Variants in GLUD1 observed in about 807,000 individuals in gnomAD.
GLUD1 encodes glutamate dehydrogenase 1, also known as glutamate dehydrogenase 1, mitochondrial.
Under a neutral mutation model 56.0 loss-of-function variants are expected in GLUD1, and 22 were observed. The ratio of observed to expected loss-of-function variants is 0.39; its 90% confidence interval spans 0.28 to 0.56. The LOEUF is 0.56. Ranked by LOEUF, GLUD1 falls within the 20% of genes least tolerant of loss-of-function variation. The pLI is 0.58. For synonymous variants in GLUD1, 223 were observed against 269.9 expected, an observed-to-expected ratio of 0.83 and a Z score of 1.70; for missense variants, 451 against 732.0, an observed-to-expected ratio of 0.62 and a Z score of 4.43.
intron 11 of GLUD1, among the ~76,000 whole-genome samples, chr10:87,057,333 C>T (rs114683082): frequency 2.2e-4 from 33 of 152,204 alleles, no homozygotes; most frequent in African/African-American, 7.7e-4. Context: ...TCACTATGTT[C>T]CCCAGGTTGG....
intron 7 of GLUD1, 35 bp downstream of exon 7, chr10:87,060,880 T>C: frequency 6.2e-7 from 1 of 1,613,832 alleles, no homozygotes; most frequent in East Asian, 2.2e-5. Flanking sequence ...TAAATATTTA[T>C]ATTTAGTGTC....
At chr10:87,086,048 T>C (rs1841373072) in intron 1 of GLUD1, among the ~76,000 whole-genome samples, 1 of 152,180 alleles carries the variant, frequency 6.6e-6, no homozygotes, top group African/African-American at 2.4e-5. Context: ...ACCTCAGCTA[T>C]CCAGTTTCAT....
chr10:87,068,074 T>C lies in GLUD1; in HGVS notation c.730A>G (p.Ile244Val), dbSNP rs1480982051. Residue 244 changes from isoleucine to valine, a missense_variant, in exon 5 of 13, where the codon ATA (isoleucine) becomes GTA (valine). Ile to Val is a conservative substitution (Grantham distance 29). This residue lies in a region of GLUD1 where 248 missense variants were observed against 460.0 expected (regional missense o/e 0.54). Coordinates refer to ENST00000277865, the MANE Select transcript of GLUD1 (RefSeq NM_005271.5). ...SWIADTYASTIGHYDINAHAC... is the reference protein window; with the variant it reads ...SWIADTYASTVGHYDINAHAC... ...CAGTGGGTACTCACATAGTGCCCTA[T>C]GGTGCTGGCATAGGTATCAGCGATC... 4.4e-6 allele frequency: 7 copies of C among 1,604,130 alleles called. No individual in the cohort carries two copies. Among genetic ancestry groups the C allele is most frequent in the East Asian group, 2.2e-5 (1 of 44,836 alleles).
intron 4 of GLUD1, among the ~76,000 whole-genome samples, chr10:87,073,572 T>C (rs1314104458): frequency 6.6e-6 from 1 of 151,552 alleles, no homozygotes; most frequent in Non-Finnish European, 1.5e-5. Flanking sequence ...CTGATATTGA[T>C]AGGACAAGTA....
Position 87,063,893 on chromosome 10 carries a change from T to C in GLUD1, c.742-1058A>G, listed in dbSNP as rs528139584. ...TGTCCTCTTTCTTTGTCTTTTTTTT[T>C]TTTGAGACGGAGTCTCGCTCTGTCA... On this transcript the variant is annotated intron_variant, in intron 5 of 12. Transcript: ENST00000277865. Among the ~76,000 whole-genome samples the C allele has an allele frequency of 2.2e-4, 33 of 152,136 alleles. 1 individual carries two copies. In the South Asian group the frequency reaches 6.6e-3, roughly 31 times the overall value.
intron 6 of GLUD1, 170 bp from the exon 7 acceptor site, chr10:87,061,222 T>A (rs1845921350): frequency 2.6e-6 from 2 of 755,656 alleles, no homozygotes; most frequent in Non-Finnish European, 4.7e-6. Flanking sequence ...AATAAAATTC[T>A]CTGTTTAAGA....
chr10:87,093,448 G>A (rs1159845217), intron 1 of GLUD1, among the ~76,000 whole-genome samples: 1 of 152,190 alleles, frequency 6.6e-6, no homozygotes, highest in Non-Finnish European at 1.5e-5. Flanking sequence ...TCTGACTACA[G>A]AGGCCAAATC....
At chr10:87,070,007 G>A (rs530509828) in intron 4 of GLUD1, among the ~76,000 whole-genome samples, 2 of 152,310 alleles carry the variant, frequency 1.3e-5, no homozygotes, top group Admixed American at 1.3e-4. Context: ...CATTCCTTTA[G>A]TGACATACCT....
At chr10:87,069,692 T>C (rs1846176549) in intron 4 of GLUD1, among the ~76,000 whole-genome samples, 1 of 152,186 alleles carries the variant, frequency 6.6e-6, no homozygotes, top group Non-Finnish European at 1.5e-5. Flanking sequence ...ATAAACTTTT[T>C]TGAACAAGCT....
At chr10:87,069,387 T>C (rs1052978341) in intron 4 of GLUD1, among the ~76,000 whole-genome samples, 7 of 151,746 alleles carry the variant, frequency 4.6e-5, no homozygotes, top group Admixed American at 3.3e-4. Context: ...TGGTGGCACA[T>C]GTCTGTAATC....
chr10:87,091,934 T>C (rs1344197830), intron 1 of GLUD1, among the ~76,000 whole-genome samples: 1 of 151,804 alleles, frequency 6.6e-6, no homozygotes, highest in African/African-American at 2.4e-5. Flanking sequence ...CGTGTTAAAA[T>C]ATGTTTAAGA....
chr10:87,079,487 C>T (rs1457677629), intron 1 of GLUD1, among the ~76,000 whole-genome samples: 5 of 151,972 alleles, frequency 3.3e-5, no homozygotes, highest in African/African-American at 1.2e-4. Context: ...CTAAAATGTG[C>T]TTTTCAAATT....
At chr10:87,052,668 T>TTAAAAAA (rs1285140190) in intron 12 of GLUD1, among the ~76,000 whole-genome samples, 1 of 16,538 alleles carries the variant, frequency 6.0e-5, no homozygotes, top group African/African-American at 1.3e-4. Flanking sequence ...AAACTCCGTC[T>TTAAAAAA]CAAAAAAAAA....
chr10:87,074,687 A>G, intron 3 of GLUD1, 73 bp from the exon 4 acceptor site: 1 of 845,742 alleles, frequency 1.2e-6, no homozygotes, highest in East Asian at 2.4e-5. Flanking sequence ...CTAGCATCTT[A>G]TTTTCTATTT....
Position 87,068,045 on chromosome 10 carries a change from C to T in GLUD1, c.741+18G>A, listed in dbSNP as rs370784473. The stretch of plus-strand genomic sequence containing the variant: ...GACAGCAAATGCAGAAGCCTCGGGG[C>T]TTCCAGTGGGTACTCACATAGTGCC... On this transcript the variant is annotated intron_variant, in intron 5 of 12. Coordinates refer to ENST00000277865, the MANE Select transcript of GLUD1 (RefSeq NM_005271.5). 1.3e-5 allele frequency: 19 copies of T among 1,449,940 alleles called. No individual in the cohort carries two copies. In the African/African-American group the frequency reaches 2.4e-4, roughly 18 times the overall value. The allele number at this position is 1,449,940 out of a possible 1,614,324, so 89.8% of individuals were successfully genotyped here. A position where few individuals can be genotyped will look rare whatever the true frequency, so the allele number is the denominator to read the frequency against.
At chr10:87,086,145 A>G (rs1218581832) in intron 1 of GLUD1, among the ~76,000 whole-genome samples, 2 of 152,250 alleles carry the variant, frequency 1.3e-5, no homozygotes, top group Non-Finnish European at 2.9e-5. Context: ...TGAGGCATGG[A>G]CAGGCAGAGG....
chr10:87,080,388 C>A (rs1841189460), intron 1 of GLUD1, among the ~76,000 whole-genome samples: 1 of 152,008 alleles, frequency 6.6e-6, no homozygotes, highest in African/African-American at 2.4e-5. Flanking sequence ...AGTGTCTCTG[C>A]CTGGCCGCCC....
chr10:87,061,467 G>A (rs1368595117), intron 6 of GLUD1, among the ~76,000 whole-genome samples: 4 of 152,060 alleles, frequency 2.6e-5, no homozygotes, highest in African/African-American at 9.7e-5. Context: ...GCAGTGAGCC[G>A]AGACTGCACT....
At chr10:87,067,314 C>T (rs1310070606) in intron 5 of GLUD1, among the ~76,000 whole-genome samples, 2 of 152,234 alleles carry the variant, frequency 1.3e-5, no homozygotes, top group Admixed American at 6.5e-5. Context: ...CCACAGCTCA[C>T]TGCAGCCTCA....
Sources: allele counts gnomAD v4.1 joint callset (sites outside exome capture counted in the v4.1 genomes callset), GRCh38; gene constraint gnomAD v4.1.1; regional missense constraint gnomAD v4.1.1; transcripts MANE v1.5; gene names NCBI Gene and HGNC (gene_info 2026-07-23, HGNC 2026-07-21).